TBK1: variants seen among roughly 807,000 people sequenced by gnomAD.
The protein encoded by TBK1 is TANK binding kinase 1.
TBK1 carries 37 observed loss-of-function variants against 99.9 expected under a neutral mutation model. The ratio of observed to expected loss-of-function variants is 0.37; its 90% confidence interval spans 0.28 to 0.49. The LOEUF (loss-of-function observed/expected upper bound fraction) is 0.49, where lower values mean the gene tolerates loss of function less well. TBK1 is among the 20% of genes least tolerant of loss of function. The probability of loss-of-function intolerance (pLI) is 0.98; values close to 1 mark genes in which losing one functional copy is unlikely to be tolerated. For synonymous variants in TBK1, 258 were observed against 279.8 expected, an observed-to-expected ratio of 0.92 and a Z score of 0.78; for missense variants, 644 against 872.5, an observed-to-expected ratio of 0.74 and a Z score of 3.30.
Position 64,489,735 on chromosome 12 carries a change from A to ATT in TBK1, c.1443-293_1443-292dup, listed in dbSNP as rs539156355. On this transcript the variant is annotated intron_variant, in intron 12 of 20. Transcript: ENST00000331710. ...AGGTGCATGCCACCACGCCCGGCTT[A>ATT]TTTTTTTTTTTTTTGTATTTTTAGT... 3.1e-3 allele frequency among the ~76,000 whole-genome samples: 423 copies of ATT among 137,102 alleles called. 1 individual carries two copies. The highest frequency in any genetic ancestry group is 0.011 in the African/African-American group (397 of 37,578). 89.9% of individuals were successfully genotyped at this position (137,102 alleles called of 152,430 possible). A position where few individuals can be genotyped will look rare whatever the true frequency, so the allele number is the denominator to read the frequency against.
In TBK1 at chr12:64,481,560, A is replaced by T. The variant is rs564159097; in HGVS notation, c.813-282A>T. ...TTGAGCCCCAGAGTTTGAGACTGCA[A>T]TGCATAAAGCATCTGTGAATAGCTG... On this transcript the variant is annotated intron_variant, in intron 7 of 20. Transcript: ENST00000331710. Among the ~76,000 whole-genome samples the T allele has an allele frequency of 1.1e-3, 174 of 152,294 alleles. 1 individual carries two copies. Among genetic ancestry groups the T allele is most frequent in the African/African-American group, 3.9e-3 (164 of 41,556 alleles).
chr12:64,486,041 A>C, intron 11 of TBK1, 24 bp downstream of exon 11: 2 of 1,523,244 alleles, frequency 1.3e-6, no homozygotes, highest in Non-Finnish European at 8.9e-7. Context: ...TGAAATTTTG[A>C]AATTGATTTT....
chr12:64,492,236 A>G (rs1260365635), intron 13 of TBK1, among the ~76,000 whole-genome samples: 2 of 152,148 alleles, frequency 1.3e-5, no homozygotes, highest in Non-Finnish European at 2.9e-5. Flanking sequence ...CAAAATTAAT[A>G]TATTTTCTTT....
chr12:64,485,088 T>G (rs772510212), intron 9 of TBK1, among the ~76,000 whole-genome samples: 15 of 152,240 alleles, frequency 9.9e-5, no homozygotes, highest in Admixed American at 3.9e-4. Context: ...CTTTAGAGTC[T>G]AAGAAAAATT....
intron 2 of TBK1, among the ~76,000 whole-genome samples, chr12:64,459,636 T>C (rs546719372): frequency 9.8e-4 from 150 of 152,294 alleles, no homozygotes; most frequent in African/African-American, 3.2e-3. Flanking sequence ...AAGTCTACTT[T>C]AGCCTCGCTC....
intron 8 of TBK1, 89 bp downstream of exon 8, chr12:64,482,110 G>C: frequency 1.3e-5 from 12 of 914,086 alleles, no homozygotes; most frequent in Non-Finnish European, 1.8e-5. Context: ...AGATGCCTCA[G>C]CTTCACCAAA....
At chr12:64,454,480 C>T (rs1470588758) in intron 1 of TBK1, among the ~76,000 whole-genome samples, 1 of 152,002 alleles carries the variant, frequency 6.6e-6, no homozygotes, top group Non-Finnish European at 1.5e-5. Flanking sequence ...AACTCCTGAC[C>T]TTGTGATCCG....
chr12:64,480,156 A>G lies in TBK1; in HGVS notation c.812+34A>G. On this transcript the variant is annotated intron_variant, in intron 7 of 20. Coordinates refer to ENST00000331710, the MANE Select transcript of TBK1 (RefSeq NM_013254.4). ...GGTGTACCTAATTCTCATCTTTTGC[A>G]CTTTGGTGTTTGAAATCTTTGTTGC... The G allele has an allele frequency of 5.2e-6, 8 of 1,525,426 alleles. No individual in the cohort carries two copies. The East Asian group carries it at 1.8e-4, about 35-fold the overall frequency. The allele number at this position is 1,525,426 out of a possible 1,614,324, so 94.5% of individuals were successfully genotyped here.
intron 7 of TBK1, 46 bp downstream of exon 7, chr12:64,480,168 G>A: frequency 7.0e-7 from 1 of 1,431,754 alleles, no homozygotes; most frequent in Non-Finnish European, 9.7e-7. Flanking sequence ...TTTGGTGTTT[G>A]AAATCTTTGT....
intron 19 of TBK1, 101 bp downstream of exon 19, chr12:64,497,855 T>C (rs2040946026): frequency 1.4e-6 from 2 of 1,382,168 alleles, no homozygotes; most frequent in East Asian, 4.6e-5. Flanking sequence ...TTTGTTGTAA[T>C]ACAATGTTTA....
At chr12:64,467,317 C>T (rs1194941435) in intron 5 of TBK1, among the ~76,000 whole-genome samples, 2 of 152,158 alleles carry the variant, frequency 1.3e-5, no homozygotes, top group African/African-American at 2.4e-5. Flanking sequence ...TTTAGTTTTA[C>T]TGATGCTATG....
At chr12:64,456,612 A>G (rs987884888) in intron 2 of TBK1, among the ~76,000 whole-genome samples, 74 of 152,250 alleles carry the variant, frequency 4.9e-4, no homozygotes, top group Middle Eastern at 3.4e-3. Context: ...AGGCCGAGGC[A>G]GGCGGATCAC....
At chr12:64,499,392 ACC>A (rs1304057156) in intron 20 of TBK1, among the ~76,000 whole-genome samples, 169 of 151,822 alleles carry the variant, frequency 1.1e-3, no homozygotes, top group African/African-American at 3.7e-3. Flanking sequence ...AGCAGATAAA[ACC>A]TATGCATTTG....
intron 4 of TBK1, 89 bp downstream of exon 4, chr12:64,464,552 C>T: frequency 9.7e-7 from 1 of 1,032,424 alleles, no homozygotes; most frequent in East Asian, 2.9e-5. Flanking sequence ...AACTGAAGAC[C>T]TTTATGCAAT....
At chr12:64,478,918 A>G (rs1020661011) in intron 6 of TBK1, among the ~76,000 whole-genome samples, 1 of 152,218 alleles carries the variant, frequency 6.6e-6, no homozygotes, top group Non-Finnish European at 1.5e-5. Flanking sequence ...GCTGCTCACT[A>G]ATAAAGGAAA....
intron 1 of TBK1, 41 bp from the exon 2 acceptor site, chr12:64,455,799 A>T: frequency 9.8e-7 from 1 of 1,015,666 alleles, no homozygotes; most frequent in Non-Finnish European, 1.5e-6. Context: ...TAGCTGTGTT[A>T]CTCCCTTAAA....
chr12:64,476,221 G>A (rs1429580604), intron 6 of TBK1, among the ~76,000 whole-genome samples: 58 of 138,768 alleles, frequency 4.2e-4, no homozygotes, highest in Admixed American at 6.2e-4. Flanking sequence ...GCAGTGGTGC[G>A]ATCTCAGCTC....
intron 6 of TBK1, 151 bp downstream of exon 6, chr12:64,474,541 C>T (rs1394866973): frequency 1.1e-5 from 8 of 750,084 alleles, no homozygotes; most frequent in Non-Finnish European, 1.5e-5. Flanking sequence ...AAGAATGCAG[C>T]CTTATAAAAG....
intron 5 of TBK1, among the ~76,000 whole-genome samples, chr12:64,468,643 G>A (rs571360852): frequency 6.6e-5 from 10 of 152,210 alleles, no homozygotes; most frequent in South Asian, 4.1e-4. Flanking sequence ...TGGAGCCCAC[G>A]TTCTGGTAGG....
Sources: allele counts gnomAD v4.1 joint callset (sites outside exome capture counted in the v4.1 genomes callset), GRCh38; gene constraint gnomAD v4.1.1; transcripts MANE v1.5; gene names NCBI Gene and HGNC (gene_info 2026-07-23, HGNC 2026-07-21).